The following ZBTB20 variants were observed in gnomAD, a reference collection of about 807,000 sequenced individuals.
ZBTB20 encodes zinc finger and BTB domain-containing protein 20.
Under a neutral mutation model 56.9 loss-of-function variants are expected in ZBTB20, and 9 were observed. That is an observed-to-expected ratio of 0.16 (90% CI 0.10 to 0.28). The LOEUF (loss-of-function observed/expected upper bound fraction) is 0.28, where lower values mean the gene tolerates loss of function less well. Among genes scored for constraint, ZBTB20 ranks in the 10% least tolerant of loss-of-function variants. The pLI is 1.00. For synonymous variants in ZBTB20, 417 were observed against 420.7 expected, an observed-to-expected ratio of 0.99 and a Z score of 0.11; for missense variants, 655 against 1,003.0, an observed-to-expected ratio of 0.65 and a Z score of 4.69.
At chr3:114,913,077 C>G (rs2075606614) in intron 3 of ZBTB20, among the ~76,000 whole-genome samples, 1 of 151,954 alleles carries the variant, frequency 6.6e-6, no homozygotes, top group Admixed American at 6.6e-5. Flanking sequence ...ATACTGATTT[C>G]CTTTGTTTTG....
intron 4 of ZBTB20, among the ~76,000 whole-genome samples, chr3:114,826,006 A>T (rs1012104324): frequency 6.6e-6 from 1 of 151,790 alleles, no homozygotes; most frequent in South Asian, 2.1e-4. Flanking sequence ...CAAAGTAGGA[A>T]AAGAACTGGG....
At chr3:115,052,523 A>G (rs772798760) in intron 2 of ZBTB20, among the ~76,000 whole-genome samples, 1 of 152,122 alleles carries the variant, frequency 6.6e-6, no homozygotes, top group Non-Finnish European at 1.5e-5. Flanking sequence ...AGAGTTAAAG[A>G]GATGAGATTA....
chr3:114,454,175 G>GGGGAGAGAGA (rs1192815934), intron 7 of ZBTB20, among the ~76,000 whole-genome samples: 3 of 116,674 alleles, frequency 2.6e-5, no homozygotes, highest in African/African-American at 1.2e-4. Flanking sequence ...AAAAGAGAAG[G>GGGGAGAGAGA]GAGAGAGAGA....
intron 3 of ZBTB20, among the ~76,000 whole-genome samples, chr3:114,935,109 T>C (rs2076489535): frequency 1.3e-5 from 2 of 152,206 alleles, no homozygotes; most frequent in Non-Finnish European, 2.9e-5. Flanking sequence ...TAAGCCCTAC[T>C]ACCTAGTCCT....
At chr3:114,616,167 G>A (rs77777214) in intron 6 of ZBTB20, among the ~76,000 whole-genome samples, 2,286 of 152,252 alleles carry the variant, frequency 0.015, 56 homozygotes, top group African/African-American at 0.052. Context: ...AAGCACTATC[G>A]ATTTCAATTC....
At chr3:115,027,523 T>C (rs1446399922) in intron 2 of ZBTB20, 1 of 150,900 alleles carries the variant, frequency 6.6e-6, no homozygotes, top group Non-Finnish European at 1.5e-5. Flanking sequence ...AACTCCCATG[T>C]CCAAAGGCTT....
intron 1 of ZBTB20, among the ~76,000 whole-genome samples, chr3:115,094,816 T>TA (rs564551635): frequency 8.5e-5 from 13 of 152,060 alleles, no homozygotes; most frequent in Non-Finnish European, 1.3e-4. Context: ...TGTTTCATTT[T>TA]AAAAAGTTTA....
chr3:114,888,433 G>T (rs2076687273), intron 4 of ZBTB20, among the ~76,000 whole-genome samples: 1 of 151,918 alleles, frequency 6.6e-6, no homozygotes, highest in Non-Finnish European at 1.5e-5. Context: ...AATCCAAGTG[G>T]TATATTGATG....
chr3:114,710,051 C>A (rs2063962995), intron 5 of ZBTB20, among the ~76,000 whole-genome samples: 1 of 152,166 alleles, frequency 6.6e-6, no homozygotes, highest in Non-Finnish European at 1.5e-5. Flanking sequence ...GAATCTGTGT[C>A]TTCCCCTATT....
At chr3:114,446,387 G>C (rs948705876) in intron 7 of ZBTB20, among the ~76,000 whole-genome samples, 2 of 152,030 alleles carry the variant, frequency 1.3e-5, no homozygotes, top group African/African-American at 4.8e-5. Flanking sequence ...GCCAGAAATG[G>C]GTTTGGAATT....
intron 3 of ZBTB20, among the ~76,000 whole-genome samples, chr3:114,956,636 C>A (rs919043310): frequency 2.6e-5 from 4 of 152,174 alleles, no homozygotes; most frequent in Non-Finnish European, 5.9e-5. Context: ...CATTTACAAA[C>A]ATTTTGACAA....
intron 11 of ZBTB20, among the ~76,000 whole-genome samples, chr3:114,344,064 G>T (rs1466396589): frequency 6.6e-6 from 1 of 151,954 alleles, no homozygotes; most frequent in Non-Finnish European, 1.5e-5. Flanking sequence ...AAAAATGGGG[G>T]GCCCACACAC....
chr3:114,560,129 T>C (rs2718418), intron 6 of ZBTB20, among the ~76,000 whole-genome samples: 9,821 of 152,218 alleles, frequency 0.065, 1,051 homozygotes, highest in African/African-American at 0.22. Context: ...TCTAATACAG[T>C]GATTAAGAAA....
At position 114,335,594 on chromosome 3, in the gene ZBTB20, C is replaced by T. The variant is rs2108064719; in HGVS notation, c.*3411G>A. 1 of 152,332 alleles carries T rather than the reference C, an allele frequency of 6.6e-6. No individual in the cohort carries two copies. The highest frequency in any genetic ancestry group is 1.5e-5 in the Non-Finnish European group (1 of 68,028). 9.4% of individuals were successfully genotyped at this position (152,332 alleles called of 1,614,324 possible). On this transcript the variant is annotated 3_prime_UTR_variant, in exon 12 of 12. Coordinates refer to ENST00000675478, the MANE Select transcript of ZBTB20 (RefSeq NM_001348800.3). ...ATAGCAATAAACAACTACCTCTTTG[C>T]TCCTCCAGATTAGATCTCCCACTCC...
chr3:114,465,117 T>G (rs1057356442), intron 7 of ZBTB20, among the ~76,000 whole-genome samples: 21 of 152,010 alleles, frequency 1.4e-4, no homozygotes, highest in African/African-American at 5.1e-4. Flanking sequence ...ATATAATTAA[T>G]TATTTCCATA....
intron 6 of ZBTB20, among the ~76,000 whole-genome samples, chr3:114,611,590 G>C (rs1365122984): frequency 3.3e-5 from 5 of 152,292 alleles, no homozygotes; most frequent in Admixed American, 3.3e-4. Flanking sequence ...CAGGCATTTA[G>C]GAGGTATTTT....
intron 9 of ZBTB20, 36 bp from the exon 10 acceptor site, chr3:114,380,440 C>A: frequency 6.8e-7 from 1 of 1,475,152 alleles, no homozygotes; most frequent in East Asian, 2.5e-5. Flanking sequence ...AAGGAACTGA[C>A]TGCATATTTG....
intron 7 of ZBTB20, among the ~76,000 whole-genome samples, chr3:114,490,639 C>T (rs2042640583): frequency 6.6e-6 from 1 of 152,100 alleles, no homozygotes; most frequent in Non-Finnish European, 1.5e-5. Context: ...TGTTAGATGC[C>T]AGCTCTTAAC....
chr3:115,083,125 T>C (rs552421601), intron 1 of ZBTB20, among the ~76,000 whole-genome samples: 26 of 152,182 alleles, frequency 1.7e-4, no homozygotes, highest in Non-Finnish European at 3.4e-4. Context: ...ATAACTCTTA[T>C]CTCTTTGCTT....
Sources: allele counts gnomAD v4.1 joint callset (sites outside exome capture counted in the v4.1 genomes callset), GRCh38; gene constraint gnomAD v4.1.1; transcripts MANE v1.5; gene names NCBI Gene and HGNC (gene_info 2026-07-23, HGNC 2026-07-21).